SPHKAP: variants seen among roughly 807,000 people sequenced by gnomAD.
The protein encoded by SPHKAP is SPHK1 interactor, AKAP domain containing.
A neutral mutation model predicts 137.5 loss-of-function variants in SPHKAP; 67 were observed. The ratio of observed to expected loss-of-function variants is 0.49; its 90% CI spans 0.40 to 0.60. The LOEUF is 0.60. SPHKAP is among the 20% of genes least tolerant of loss of function. The probability of loss-of-function intolerance (pLI) is 0.00; values close to 1 mark genes in which losing one functional copy is unlikely to be tolerated. For missense variants in SPHKAP, 2,097 were observed against 2,069.3 expected (o/e 1.01, Z -0.26); for synonymous variants, 813 against 785.3 (o/e 1.04, Z -0.59).
At chr2:228,046,077 C>A (rs569980981) in intron 3 of SPHKAP, among the ~76,000 whole-genome samples, 7 of 151,984 alleles carry the variant, frequency 4.6e-5, no homozygotes, top group Middle Eastern at 3.2e-3. Context: ...CATCCCACCC[C>A]CTACACACAC....
chr2:228,095,250 T>A (rs1369266911), intron 3 of SPHKAP, among the ~76,000 whole-genome samples: 1 of 152,168 alleles, frequency 6.6e-6, no homozygotes. Flanking sequence ...GCATCAAGTT[T>A]ACAGTCCAGA....
At chr2:227,996,196 C>G (rs1175354107) in intron 7 of SPHKAP, 2 of 899,174 alleles carry the variant, frequency 2.2e-6, no homozygotes, top group Non-Finnish European at 2.7e-6. Context: ...AGCAAGACGC[C>G]TCTATATTTT....
chr2:228,119,814 T>C (rs1359335959), intron 2 of SPHKAP, among the ~76,000 whole-genome samples: 1 of 152,160 alleles, frequency 6.6e-6, no homozygotes, highest in African/African-American at 2.4e-5. Flanking sequence ...ATTTTTCTCT[T>C]AATGATGATT....
intron 3 of SPHKAP, among the ~76,000 whole-genome samples, chr2:228,032,644 A>G (rs927341448): frequency 2.0e-5 from 3 of 152,232 alleles, no homozygotes; most frequent in Non-Finnish European, 4.4e-5. Flanking sequence ...CGGGTTACCC[A>G]CAAAGGGAAG....
At chr2:228,024,519 C>A (rs535025531) in intron 5 of SPHKAP, among the ~76,000 whole-genome samples, 1 of 152,058 alleles carries the variant, frequency 6.6e-6, no homozygotes, top group Non-Finnish European at 1.5e-5. Flanking sequence ...ATGTGATTAC[C>A]TGGAAATAAA....
chr2:228,066,523 T>C, intron 3 of SPHKAP, among the ~76,000 whole-genome samples: 1 of 152,182 alleles, frequency 6.6e-6, no homozygotes, highest in East Asian at 1.9e-4. Context: ...CTCTGTCCCC[T>C]TTCACAGTCA....
chr2:228,165,152 ATTT>A (rs36019677), intron 1 of SPHKAP, among the ~76,000 whole-genome samples: 1 of 146,022 alleles, frequency 6.8e-6, no homozygotes. Context: ...CTGTGGCAGC[ATTT>A]TTTTTTTTTT....
chr2:228,017,951 AACTC>A lies in SPHKAP; in HGVS notation c.2899_2902del (p.Glu967PhefsTer2). The A allele has an allele frequency of 6.2e-7, 1 of 1,614,080 alleles. No individual in the cohort carries two copies. Among genetic ancestry groups the A allele is most frequent in the Non-Finnish European group, 8.5e-7 (1 of 1,180,014 alleles). ...GCAGGGTACGTTGGGTGTCATCAGA[AACTC>A]ACTCCCTCTTTTCCATGCACAAAAC... is the stretch of plus-strand genomic sequence containing the variant. On this transcript the variant is annotated frameshift_variant, in exon 7 of 12. Coordinates refer to ENST00000392056, the MANE Select transcript of SPHKAP (RefSeq NM_001142644.2). LOFTEE classifies it high-confidence loss of function.
intron 8 of SPHKAP, chr2:227,994,067 G>C: frequency 1.0e-6 from 1 of 985,336 alleles, no homozygotes. Context: ...GAAACCAGTG[G>C]ACTCATGTTC....
intron 1 of SPHKAP, among the ~76,000 whole-genome samples, chr2:228,142,268 T>C (rs1699628969): frequency 6.7e-6 from 1 of 150,002 alleles, no homozygotes; most frequent in Non-Finnish European, 1.5e-5. Context: ...TTTTAAGAAA[T>C]CTTTGTTGTT....
At chr2:228,168,216 A>T (rs932397406) in intron 1 of SPHKAP, among the ~76,000 whole-genome samples, 5 of 152,168 alleles carry the variant, frequency 3.3e-5, no homozygotes, top group African/African-American at 1.2e-4. Flanking sequence ...ACTTGCCACA[A>T]GAAAATTATT....
intron 2 of SPHKAP, among the ~76,000 whole-genome samples, chr2:228,126,975 T>C (rs1396948936): frequency 6.6e-6 from 1 of 152,248 alleles, no homozygotes; most frequent in East Asian, 1.9e-4. Context: ...TCTTGACCCT[T>C]GTTTTATTTC....
intron 3 of SPHKAP, among the ~76,000 whole-genome samples, chr2:228,069,215 C>T (rs191916204): frequency 2.9e-3 from 441 of 152,154 alleles, no homozygotes; most frequent in Middle Eastern, 6.8e-3. Flanking sequence ...TTCTGTGAGC[C>T]GAGATCGTGC....
chr2:228,020,883 T>C (rs1406246351), intron 6 of SPHKAP, among the ~76,000 whole-genome samples: 5 of 151,900 alleles, frequency 3.3e-5, no homozygotes, highest in African/African-American at 4.8e-5. Context: ...CAAATGCAAG[T>C]AGGAGATGTT....
chr2:228,014,618 C>T (rs1694495391), intron 7 of SPHKAP, among the ~76,000 whole-genome samples: 1 of 152,168 alleles, frequency 6.6e-6, no homozygotes, highest in African/African-American at 2.4e-5. Flanking sequence ...ATATTTAAAT[C>T]CACCTAGACA....
intron 7 of SPHKAP, among the ~76,000 whole-genome samples, chr2:228,010,653 T>C (rs1318293875): frequency 6.6e-6 from 1 of 152,136 alleles, no homozygotes; most frequent in African/African-American, 2.4e-5. Flanking sequence ...AGGTATGCCA[T>C]TGTGGTTTTG....
chr2:228,083,875 G>A (rs1037980858), intron 3 of SPHKAP, among the ~76,000 whole-genome samples: 61 of 151,988 alleles, frequency 4.0e-4, no homozygotes, highest in African/African-American at 1.3e-3. Flanking sequence ...AAGTGGGAGT[G>A]GAACAATGAG....
intron 3 of SPHKAP, among the ~76,000 whole-genome samples, chr2:228,102,202 T>C (rs1698199899): frequency 6.6e-6 from 1 of 152,344 alleles, no homozygotes; most frequent in East Asian, 1.9e-4. Context: ...AAACTCATTA[T>C]GTATTGAGAT....
Position 227,996,546 on chromosome 2 carries a change from C to G in SPHKAP, c.4449-852G>C, listed in dbSNP as rs1267613672. Among the ~76,000 whole-genome samples, 4 of 152,310 alleles carry G rather than the reference C, an allele frequency of 2.6e-5. No homozygotes were observed. In the East Asian group the frequency reaches 7.7e-4, roughly 29 times the overall value. The stretch of plus-strand genomic sequence containing the variant: ...GTTCCTAAGCAATCTCATCCACTTG[C>G]CTGTCTGTGAAAATAGCTTCCAAGT... On this transcript the variant is annotated intron_variant, in intron 7 of 11. Coordinates refer to ENST00000392056, the MANE Select transcript of SPHKAP (RefSeq NM_001142644.2).
Sources: allele counts gnomAD v4.1 joint callset (sites outside exome capture counted in the v4.1 genomes callset), GRCh38; gene constraint gnomAD v4.1.1; transcripts MANE v1.5; gene names NCBI Gene and HGNC (gene_info 2026-07-23, HGNC 2026-07-21).